The following HGF variants were observed in gnomAD, a reference collection of about 807,000 sequenced individuals.
HGF encodes fibroblast-derived tumor cytotoxic factor.
Under a neutral mutation model 111.6 loss-of-function variants are expected in HGF, and 39 were observed. The observed-to-expected ratio is 0.35, with a 90% CI of 0.27 to 0.46. The LOEUF (loss-of-function observed/expected upper bound fraction) is 0.46, where lower values mean the gene tolerates loss of function less well. Among genes scored for constraint, HGF ranks in the 20% least tolerant of loss-of-function variants. The pLI is 1.00. For synonymous variants in HGF, 285 were observed against 294.8 expected (o/e 0.97, Z 0.34); for missense variants, 735 against 910.5 (o/e 0.81, Z 2.48).
chr7:81,729,538 A>G (rs545154944), intron 8 of HGF, 67 bp downstream of exon 8: 2 of 1,252,732 alleles, frequency 1.6e-6, no homozygotes, highest in Admixed American at 1.7e-5. Flanking sequence ...ATTAGTAAAA[A>G]GTAACCACTC....
intron 2 of HGF, among the ~76,000 whole-genome samples, chr7:81,760,769 A>G (rs1379707468): frequency 6.6e-6 from 1 of 150,982 alleles, no homozygotes; most frequent in Non-Finnish European, 1.5e-5. Flanking sequence ...TCTTGGCTCT[A>G]ATACATAATA....
intron 17 of HGF, 92 bp downstream of exon 17, chr7:81,705,298 A>G (rs1789391739): frequency 2.3e-6 from 3 of 1,277,956 alleles, no homozygotes; most frequent in Admixed American, 3.4e-5. Flanking sequence ...GGTATACAAT[A>G]TTTTTGATTT....
intron 13 of HGF, among the ~76,000 whole-genome samples, chr7:81,709,413 A>G (rs187113306): frequency 2.6e-5 from 4 of 152,322 alleles, no homozygotes. Context: ...TCCAATTAAC[A>G]TACAGAATAA....
intron 7 of HGF, among the ~76,000 whole-genome samples, chr7:81,732,250 G>A (rs1405066186): frequency 6.6e-6 from 1 of 152,058 alleles, no homozygotes; most frequent in Non-Finnish European, 1.5e-5. Context: ...AGTATGATTT[G>A]CCAGATACCA....
chr7:81,769,762 A>G, intron 1 of HGF, 122 bp downstream of exon 1: 1 of 756,836 alleles, frequency 1.3e-6, no homozygotes, highest in South Asian at 1.5e-5. Flanking sequence ...AACCTATACT[A>G]CATACTGAGT....
intron 11 of HGF, among the ~76,000 whole-genome samples, chr7:81,716,657 A>T (rs964681146): frequency 6.6e-6 from 1 of 152,182 alleles, no homozygotes. Flanking sequence ...TTTTATATGA[A>T]CTATGTCAAA....
chr7:81,727,819 G>C (rs1305487419), intron 8 of HGF, among the ~76,000 whole-genome samples: 1 of 152,082 alleles, frequency 6.6e-6, no homozygotes, highest in Admixed American at 6.6e-5. Context: ...AGTTTGGACT[G>C]ACTTTAACAT....
At chr7:81,720,240 T>C (rs533406861) in intron 10 of HGF, among the ~76,000 whole-genome samples, 6 of 152,322 alleles carry the variant, frequency 3.9e-5, no homozygotes, top group Non-Finnish European at 7.4e-5. Context: ...AAACCTGTCA[T>C]TACACATTTT....
intron 4 of HGF, chr7:81,756,747 T>G: frequency 5.4e-6 from 1 of 184,966 alleles, no homozygotes; most frequent in Non-Finnish European, 1.1e-5. Context: ...CTAAGTAAGA[T>G]TCGTCAAGGG....
intron 7 of HGF, among the ~76,000 whole-genome samples, chr7:81,731,725 ACT>A (rs1482339589): frequency 6.6e-6 from 1 of 152,134 alleles, no homozygotes; most frequent in African/African-American, 2.4e-5. Context: ...AAAGGTGATA[ACT>A]CTAAAACAGG....
intron 1 of HGF, among the ~76,000 whole-genome samples, chr7:81,769,468 T>C (rs774996205): frequency 6.6e-6 from 1 of 152,178 alleles, no homozygotes; most frequent in Admixed American, 6.5e-5. Flanking sequence ...TGCATTATCA[T>C]GAAAAATTGT....
chr7:81,764,635 A>G (rs1392976160), intron 1 of HGF, among the ~76,000 whole-genome samples: 3 of 152,132 alleles, frequency 2.0e-5, no homozygotes, highest in Non-Finnish European at 4.4e-5. Flanking sequence ...AACTGTAACC[A>G]TTAAGTAAAT....
Position 81,751,749 on chromosome 7 carries a change from A to G in HGF, c.625+371T>C. On this transcript the variant is annotated intron_variant, in intron 5 of 17. Coordinates refer to ENST00000222390, the MANE Select transcript of HGF (RefSeq NM_000601.6). Reference sequence around the variant, plus strand: ...CTGTGGAAGCAGGTGCTGGTTGAATAGAATTAACATTGCTAATGAAAGGCT... The same window carrying G: ...CTGTGGAAGCAGGTGCTGGTTGAATGGAATTAACATTGCTAATGAAAGGCT... 3 of 1,052,844 alleles carry G rather than the reference A, an allele frequency of 2.8e-6. No homozygotes were observed. The South Asian group carries it at 1.0e-4, about 35-fold the overall frequency. 65.2% of individuals were successfully genotyped at this position (1,052,844 alleles called of 1,614,324 possible).
intron 2 of HGF, among the ~76,000 whole-genome samples, chr7:81,760,726 T>A (rs1475940356): frequency 1.4e-5 from 2 of 141,270 alleles, no homozygotes; most frequent in African/African-American, 5.3e-5. Context: ...TGTGTGTGAA[T>A]GAGGAGGATT....
chr7:81,760,949 A>T (rs1789042601), intron 2 of HGF, among the ~76,000 whole-genome samples: 1 of 152,172 alleles, frequency 6.6e-6, no homozygotes, highest in Non-Finnish European at 1.5e-5. Flanking sequence ...AATAGAACAA[A>T]AGGAAAGTTT....
At position 81,711,471 on chromosome 7, in the gene HGF, T is replaced by C; in HGVS notation, c.1444+10A>G. On this transcript the variant is annotated intron_variant, in intron 12 of 17. Coordinates refer to ENST00000222390, the MANE Select transcript of HGF (RefSeq NM_000601.6). ...TCAGAATATACTTTATATTGTGAAA[T>C]ATTACTTACGGTCTAAATTGACTAT... 3.5e-6 allele frequency: 5 copies of C among 1,441,788 alleles called. No homozygotes were observed. Among genetic ancestry groups the C allele is most frequent in the Non-Finnish European group, 4.8e-6 (5 of 1,036,222 alleles). The allele number at this position is 1,441,788 out of a possible 1,614,324, so 89.3% of individuals were successfully genotyped here.
intron 7 of HGF, among the ~76,000 whole-genome samples, chr7:81,734,995 C>G (rs1247623206): frequency 6.6e-6 from 1 of 152,066 alleles, no homozygotes; most frequent in African/African-American, 2.4e-5. Context: ...TTCTTCCCAG[C>G]TACTAAAGAG....
intron 1 of HGF, among the ~76,000 whole-genome samples, chr7:81,768,043 C>T (rs1295247458): frequency 2.6e-5 from 4 of 152,200 alleles, no homozygotes; most frequent in Non-Finnish European, 5.9e-5. Flanking sequence ...CAACTGGACT[C>T]TCCTTGCCTG....
chr7:81,733,218 T>C (rs1787722526), intron 7 of HGF, among the ~76,000 whole-genome samples: 1 of 151,968 alleles, frequency 6.6e-6, no homozygotes, highest in Non-Finnish European at 1.5e-5. Flanking sequence ...ATTTAAACTA[T>C]TTAATATATT....
Sources: allele counts gnomAD v4.1 joint callset (sites outside exome capture counted in the v4.1 genomes callset), GRCh38; gene constraint gnomAD v4.1.1; transcripts MANE v1.5; gene names NCBI Gene and HGNC (gene_info 2026-07-23, HGNC 2026-07-21).